VCPKMT: variants seen among roughly 807,000 people sequenced by gnomAD.
VCPKMT encodes protein N-lysine methyltransferase METTL21D.
In VCPKMT, 32 loss-of-function variants were observed where a neutral mutation model predicts 28.6. The observed-to-expected ratio is 1.12, with a 90% CI of 0.84 to 1.50. VCPKMT has a LOEUF of 1.50. Among genes scored for constraint, VCPKMT ranks in the 40% most tolerant of loss-of-function variants. VCPKMT has a pLI of 0.00. For missense variants in VCPKMT, 366 were observed against 285.0 expected (o/e 1.28, Z -2.05); for synonymous variants, 138 against 111.4 (o/e 1.24, Z -1.50).
At chr14:50,115,938 A>G (rs1883145954) in intron 2 of VCPKMT, 27 bp from the exon 3 acceptor site, 1 of 1,609,778 alleles carries the variant, frequency 6.2e-7, no homozygotes, top group Non-Finnish European at 8.5e-7. Flanking sequence ...AAATATTTCA[A>G]TTGTTTTAAT....
downstream of VCPKMT, among the ~76,000 whole-genome samples, chr14:50,104,693 GAAA>G (rs752691243): frequency 1.1e-5 from 1 of 87,274 alleles, no homozygotes. Context: ...TTACTCTATT[GAAA>G]AAAAAAAAAA....
intron 4 of VCPKMT, chr14:50,113,625 C>T (rs1000904974): frequency 2.0e-5 from 3 of 150,514 alleles, no homozygotes; most frequent in Admixed American, 6.6e-5. Flanking sequence ...AAAAAAAAGA[C>T]CCTAAAAATA....
intron 4 of VCPKMT, 126 bp from the exon 5 acceptor site, chr14:50,112,845 GGT>G: frequency 1.0e-5 from 6 of 577,452 alleles, no homozygotes; most frequent in Non-Finnish European, 1.7e-5. Context: ...GGAGTGCAGT[GGT>G]GCGATCTTGG....
intron 4 of VCPKMT, 86 bp from the exon 5 acceptor site, chr14:50,112,805 T>G (rs909830475): frequency 2.1e-5 from 19 of 922,238 alleles, no homozygotes; most frequent in Non-Finnish European, 2.9e-5. Flanking sequence ...GTTACTTTTT[T>G]TTTGAGAGTC....
At chr14:50,104,759 A>G (rs1008514192), downstream of VCPKMT, among the ~76,000 whole-genome samples, 24 of 152,148 alleles carry the variant, frequency 1.6e-4, no homozygotes, top group African/African-American at 5.8e-4. Context: ...TCTCAGATGT[A>G]AAATCATGAT....
At position 50,111,538 on chromosome 14, in the gene VCPKMT, C is replaced by T. The variant is rs975328667; in HGVS notation, c.675+1077G>A. 4 of 985,278 alleles carry T rather than the reference C, an allele frequency of 4.1e-6. No individual in the cohort carries two copies. In the African/African-American group the frequency reaches 5.2e-5, roughly 13 times the overall value. 61.0% of individuals were successfully genotyped at this position (985,278 alleles called of 1,614,324 possible). A position where few individuals can be genotyped will look rare whatever the true frequency, so the allele number is the denominator to read the frequency against. ...CCTTAATTCATAAAACTAATCATCT[C>T]CCTGCCTTACACTAGTCACATATAC... On this transcript the variant is annotated intron_variant, in intron 5 of 5. Transcript: ENST00000395860.
intron 5 of VCPKMT, chr14:50,111,345 C>T (rs1327035746): frequency 1.0e-6 from 1 of 985,252 alleles, no homozygotes; most frequent in Non-Finnish European, 1.2e-6. Context: ...AAATGTTAAT[C>T]TGAATAATCC....
intron 5 of VCPKMT, chr14:50,111,302 AG>A: frequency 1.0e-6 from 1 of 983,092 alleles, no homozygotes; most frequent in Non-Finnish European, 1.2e-6. Context: ...AGCACAAAAC[AG>A]TTTTTTTTGT....
intron 5 of VCPKMT, chr14:50,111,438 T>C: frequency 1.0e-6 from 1 of 985,470 alleles, no homozygotes; most frequent in Non-Finnish European, 1.2e-6. Context: ...AGAATTCATA[T>C]AATCAGAAAA....
chr14:50,104,225 C>T (rs1413869801), downstream of VCPKMT, among the ~76,000 whole-genome samples: 1 of 152,146 alleles, frequency 6.6e-6, no homozygotes, highest in Non-Finnish European at 1.5e-5. Flanking sequence ...CAAATGATAG[C>T]ATCTTGTCAT....
chr14:50,112,236 C>G (rs1882716345), intron 5 of VCPKMT, among the ~76,000 whole-genome samples: 1 of 151,946 alleles, frequency 6.6e-6, no homozygotes, highest in African/African-American at 2.4e-5. Flanking sequence ...TATGGAGAAG[C>G]TGGAAAAGGC....
chr14:50,109,511 G>GGCAGGCAA lies in VCPKMT; in HGVS notation c.*180_*187dup. On this transcript the variant is annotated 3_prime_UTR_variant, in exon 6 of 6. Transcript: ENST00000395860. ...CTGGATTCAGGGCCATTGGCAGGCA[G>GGCAGGCAA]GCAGGCAAGCAGGAATTTTTCGTAT... 7.6e-7 allele frequency: 1 copy of GGCAGGCAA among 1,312,890 alleles called. No individual in the cohort carries two copies. The highest frequency in any genetic ancestry group is 1.5e-5 in the African/African-American group (1 of 65,200). 81.3% of individuals were successfully genotyped at this position (1,312,890 alleles called of 1,614,324 possible).
At position 50,109,702 on chromosome 14, in the gene VCPKMT, C is replaced by A. The variant is rs73289738; in HGVS notation, c.687G>T (p.Ser229=). The stretch of plus-strand genomic sequence containing the variant: ...TTGGGTAAGATGATTAAAGGCTTCA[C>A]GATGGAAATTTCTATAACAAAAAAA... ...YIRKKKSKFP[S] The change falls in exon 6 of 6, where the codon TCG becomes TCT. Residue 229 remains serine (S), a synonymous_variant. Transcript: ENST00000395860. 8.9e-4 allele frequency: 1,431 copies of A among 1,601,410 alleles called. 16 individuals carry two copies. The African/African-American group carries it at 0.017, about 19-fold the overall frequency.
chr14:50,108,200 A>AAG (rs1882404205), downstream of VCPKMT, among the ~76,000 whole-genome samples: 1 of 151,638 alleles, frequency 6.6e-6, no homozygotes, highest in East Asian at 1.9e-4. Context: ...TCAAAAAAAA[A>AAG]AAAAAAAAAA....
At position 50,109,721 on chromosome 14, in the gene VCPKMT, A is replaced by G. The variant is rs748279964; in HGVS notation, c.676-8T>C. ...GCTTCACGATGGAAATTTCTATAAC[A>G]AAAAAAAAGGAAACTTAAAAGATTG... On this transcript the variant is annotated splice_polypyrimidine_tract_variant and splice_region_variant and intron_variant, in intron 5 of 5. Transcript: ENST00000395860. 4 of 1,555,240 alleles carry G rather than the reference A, an allele frequency of 2.6e-6. No homozygotes were observed. Among genetic ancestry groups the G allele is most frequent in the Non-Finnish European group, 2.6e-6 (3 of 1,148,552 alleles).
At position 50,108,945 on chromosome 14, in the gene VCPKMT, A is replaced by G; in HGVS notation, c.*754T>C. Reference sequence around the variant, plus strand: ...TATACATAAAGTGCATGAGCCACGTAAGTGCATAAGCCTGAAACTGGTCTT... The same window carrying G: ...TATACATAAAGTGCATGAGCCACGTGAGTGCATAAGCCTGAAACTGGTCTT... On this transcript the variant is annotated 3_prime_UTR_variant, in exon 6 of 6. Coordinates refer to ENST00000395860, the MANE Select transcript of VCPKMT (RefSeq NM_024558.3). The G allele has an allele frequency of 2.0e-6, 2 of 985,480 alleles. No individual in the cohort carries two copies. The highest frequency in any genetic ancestry group is 2.4e-6 in the Non-Finnish European group (2 of 829,934). 61.0% of individuals were successfully genotyped at this position (985,480 alleles called of 1,614,324 possible).
Position 50,109,329 on chromosome 14 carries a change from C to A in VCPKMT, c.*370G>T, listed in dbSNP as rs976952603. The A allele has an allele frequency of 9.8e-7, 1 of 1,021,428 alleles. No individual in the cohort carries two copies. Among genetic ancestry groups the A allele is most frequent in the African/African-American group, 1.7e-5 (1 of 58,800 alleles). 63.3% of individuals were successfully genotyped at this position (1,021,428 alleles called of 1,614,324 possible). ...CATTATTATATAATAGCAGATAGTT[C>A]TCTTCAGAAATTTATCTCTAGCTTC... On this transcript the variant is annotated 3_prime_UTR_variant, in exon 6 of 6. Coordinates refer to ENST00000395860, the MANE Select transcript of VCPKMT (RefSeq NM_024558.3).
Position 50,108,901 on chromosome 14 carries a change from G to C in VCPKMT, c.*798C>G. On this transcript the variant is annotated 3_prime_UTR_variant, in exon 6 of 6. Coordinates refer to ENST00000395860, the MANE Select transcript of VCPKMT (RefSeq NM_024558.3). ...ATGTAAACAATACCAGTATTTTTAA[G>C]CCAGATTTTCCTGGAACATATACAT... The C allele has an allele frequency of 2.0e-6, 2 of 985,414 alleles. No individual in the cohort carries two copies. Among genetic ancestry groups the C allele is most frequent in the Non-Finnish European group, 2.4e-6 (2 of 829,932 alleles). 61.0% of individuals were successfully genotyped at this position (985,414 alleles called of 1,614,324 possible).
At chr14:50,104,339 A>C (rs1882253630), downstream of VCPKMT, among the ~76,000 whole-genome samples, 1 of 152,222 alleles carries the variant, frequency 6.6e-6, no homozygotes, top group Non-Finnish European at 1.5e-5. Context: ...GAACAACCCC[A>C]AATATCTAAT....
Sources: allele counts gnomAD v4.1 joint callset (sites outside exome capture counted in the v4.1 genomes callset), GRCh38; gene constraint gnomAD v4.1.1; transcripts MANE v1.5; gene names NCBI Gene and HGNC (gene_info 2026-07-23, HGNC 2026-07-21).